Variants in NIPA2 observed in about 807,000 individuals in gnomAD.
NIPA2 encodes the protein NIPA magnesium transporter 2.
NIPA2 carries 11 observed loss-of-function variants against 29.7 expected under a neutral mutation model. The ratio of observed to expected loss-of-function variants is 0.37; its 90% CI spans 0.23 to 0.61. The LOEUF (loss-of-function observed/expected upper bound fraction) is 0.61, where lower values mean the gene tolerates loss of function less well. Ranked by LOEUF, NIPA2 falls within the 20% of genes least tolerant of loss-of-function variation. NIPA2 has a pLI of 0.66. For missense variants in NIPA2, 426 were observed against 437.9 expected (o/e 0.97, Z 0.24); for synonymous variants, 183 against 161.9 (o/e 1.13, Z -0.99).
rs543788388 is a variant in NIPA2, at chr15:22,856,429, A to G, written c.197-2111A>G. On this transcript the variant is annotated intron_variant, in intron 5 of 7. Coordinates refer to ENST00000337451, the MANE Select transcript of NIPA2 (RefSeq NM_030922.7). ...TTTTTGAGAAGTCAGTCATACATAAATGGAAATTAGATAGTAGAGAGTATC... is the reference window on the plus strand; with the variant it reads ...TTTTTGAGAAGTCAGTCATACATAAGTGGAAATTAGATAGTAGAGAGTATC... 1.1e-4 allele frequency among the ~76,000 whole-genome samples: 16 copies of G among 152,170 alleles called. No individual in the cohort carries two copies. The East Asian group carries it at 3.1e-3, about 29-fold the overall frequency.
In NIPA2 at chr15:22,857,969, T is replaced by C. The variant is rs1043116152; in HGVS notation, c.197-571T>C. On this transcript the variant is annotated intron_variant, in intron 5 of 7. Transcript: ENST00000337451. Reference sequence around the variant, plus strand: ...TATAAGTATCTATTTAAAATTTTTATTAAAATGCCTTATGTCAGCATGAGC... The same window carrying C: ...TATAAGTATCTATTTAAAATTTTTACTAAAATGCCTTATGTCAGCATGAGC... 6.6e-5 allele frequency among the ~76,000 whole-genome samples: 10 copies of C among 152,316 alleles called. No individual in the cohort carries two copies. The East Asian group carries it at 1.3e-3, about 21-fold the overall frequency.
intron 5 of NIPA2, among the ~76,000 whole-genome samples, chr15:22,858,190 A>G (rs1387686488): frequency 4.6e-5 from 7 of 152,046 alleles, no homozygotes; most frequent in African/African-American, 7.2e-5. Context: ...TCAGGAGATC[A>G]AGACCATCCT....
At chr15:22,853,671 C>T (rs573987083) in intron 5 of NIPA2, among the ~76,000 whole-genome samples, 9 of 152,048 alleles carry the variant, frequency 5.9e-5, no homozygotes, top group East Asian at 5.8e-4. Context: ...CCACCGCACC[C>T]GGCCTACTTT....
At chr15:22,852,463 C>A (rs1360637602) in intron 4 of NIPA2, among the ~76,000 whole-genome samples, 2 of 96,860 alleles carry the variant, frequency 2.1e-5, no homozygotes, top group Admixed American at 1.3e-4. Context: ...AGTGAGACTC[C>A]GTCTAAAAAA....
chr15:22,867,117 G>T lies in NIPA2; in HGVS notation c.*270G>T, dbSNP rs2059148705. ...TTCATCCCTTCTCCAAAAGCCGAAT[G>T]CACTAATGACAGTTTTAAGTCTATG... is the stretch of plus-strand genomic sequence containing the variant. On this transcript the variant is annotated 3_prime_UTR_variant, in exon 8 of 8. Transcript: ENST00000337451. The T allele has an allele frequency of 4.1e-6, 2 of 483,788 alleles. No homozygotes were observed. Among genetic ancestry groups the T allele is most frequent in the Non-Finnish European group, 7.2e-6 (2 of 277,716 alleles). 30.0% of individuals were successfully genotyped at this position (483,788 alleles called of 1,614,324 possible).
intron 5 of NIPA2, among the ~76,000 whole-genome samples, chr15:22,854,125 GTTAC>G (rs1566844218): frequency 4.7e-5 from 7 of 147,664 alleles, no homozygotes; most frequent in Admixed American, 6.8e-5. Flanking sequence ...ATGCCCAGCC[GTTAC>G]TTATTTATTT....
rs1289571453 is a variant in NIPA2 at position 22,866,387 on chromosome 15, C to T, written c.623C>T (p.Ala208Val). The T allele has an allele frequency of 4.3e-6, 7 of 1,614,060 alleles. No homozygotes were observed. The highest frequency in any genetic ancestry group is 1.7e-5 in the Admixed American group (1 of 60,018). The change falls in exon 8 of 8, where the codon GCA (alanine) becomes GTA (valine). Residue 208 changes from alanine (A) to valine (V), a missense_variant. By Grantham distance (64) the Ala-to-Val change is moderately conservative. Transcript: ENST00000337451. The stretch of plus-strand genomic sequence containing the variant: ...GGCATTGCTATCAAGGAGCTGTTTG[C>T]AGGGAAGCCTGTGCTGCGGCATCCC... The part of the protein sequence containing the change: ...GLGIAIKELF[A>V]GKPVLRHPLA...
chr15:22,849,281 C>T (rs1045478577), intron 3 of NIPA2, among the ~76,000 whole-genome samples: 1 of 95,190 alleles, frequency 1.1e-5, no homozygotes, highest in Non-Finnish European at 2.2e-5. Context: ...TGTTCAGCTT[C>T]TTTCTTTTTA....
intron 5 of NIPA2, among the ~76,000 whole-genome samples, chr15:22,853,869 G>A (rs945940104): frequency 2.0e-5 from 3 of 151,740 alleles, no homozygotes; most frequent in East Asian, 1.9e-4. Context: ...TTGCTCTGTC[G>A]CCAGGCTGTA....
At chr15:22,855,108 G>A (rs955141640) in intron 5 of NIPA2, among the ~76,000 whole-genome samples, 8 of 151,642 alleles carry the variant, frequency 5.3e-5, no homozygotes, top group Non-Finnish European at 7.4e-5. Context: ...TTTTAAAAAG[G>A]CACGTGGAAA....
chr15:22,849,698 TACA>T (rs2057574931), intron 3 of NIPA2, among the ~76,000 whole-genome samples: 1 of 152,060 alleles, frequency 6.6e-6, no homozygotes, highest in African/African-American at 2.4e-5. Flanking sequence ...TAGCTGGAAC[TACA>T]GGCGCCTGCC....
At chr15:22,865,214 C>T (rs1032326377) in intron 7 of NIPA2, among the ~76,000 whole-genome samples, 14 of 147,614 alleles carry the variant, frequency 9.5e-5, no homozygotes, top group African/African-American at 1.2e-4. Context: ...CTGCTGGGTG[C>T]GGTGGCTCAC....
At chr15:22,841,602 A>G (rs999592731) in intron 2 of NIPA2, among the ~76,000 whole-genome samples, 3 of 151,740 alleles carry the variant, frequency 2.0e-5, no homozygotes, top group Non-Finnish European at 4.4e-5. Flanking sequence ...TCCGCCCTCC[A>G]GTTTCTAGCG....
intron 5 of NIPA2, among the ~76,000 whole-genome samples, chr15:22,855,612 T>C (rs755752144): frequency 2.6e-5 from 4 of 152,076 alleles, no homozygotes; most frequent in African/African-American, 4.8e-5. Context: ...AAAGAAGTTA[T>C]GTGTTTATGT....
rs1555387456 is a variant in NIPA2 at position 22,862,049 on chromosome 15, C to CTCTT, written c.448+1261_448+1262insCTTT. On this transcript the variant is annotated intron_variant, in intron 7 of 7. Transcript: ENST00000337451. ...ACCATGCCTCGCCTGATGGGTCTCT[C>CTCTT]TTTTTTTTTTTTTTTGAGACAGAGT... 3.9e-3 allele frequency among the ~76,000 whole-genome samples: 401 copies of CTCTT among 103,936 alleles called. 13 individuals carry two copies. The highest frequency in any genetic ancestry group is 0.014 in the African/African-American group (374 of 26,662). The allele number at this position is 103,936 out of a possible 152,430, so 68.2% of individuals were successfully genotyped here. A position where few individuals can be genotyped will look rare whatever the true frequency, so the allele number is the denominator to read the frequency against.
chr15:22,863,339 C>T (rs2058751149), intron 7 of NIPA2, among the ~76,000 whole-genome samples: 1 of 152,096 alleles, frequency 6.6e-6, no homozygotes, highest in Admixed American at 6.5e-5. Flanking sequence ...CTCCCTCGGC[C>T]TCCCAAAGGG....
chr15:22,846,835 A>AT (rs1595286726), intron 3 of NIPA2, among the ~76,000 whole-genome samples: 14,949 of 132,290 alleles, frequency 0.11, 1,019 homozygotes, highest in Admixed American at 0.22. Context: ...AATAATAATA[A>AT]TAATAATTAT....
intron 6 of NIPA2, among the ~76,000 whole-genome samples, chr15:22,860,008 G>A (rs1230174837): frequency 6.6e-6 from 1 of 151,330 alleles, no homozygotes. Flanking sequence ...TTAAGCACTG[G>A]TGGTTTGGAT....
At position 22,839,298 on chromosome 15, in the gene NIPA2, TC is replaced by T. The variant is rs1369731589; in HGVS notation, c.-351-355del. The T allele has an allele frequency of 2.0e-4, 31 of 152,352 alleles. 1 individual carries two copies. The highest frequency in any genetic ancestry group is 1.9e-3 in the Admixed American group (29 of 15,304). 9.4% of individuals were successfully genotyped at this position (152,352 alleles called of 1,614,324 possible). On this transcript the variant is annotated intron_variant, in intron 1 of 7. Coordinates refer to ENST00000337451, the MANE Select transcript of NIPA2 (RefSeq NM_030922.7). ...AATTTCCTTTTATAAAATCACGGAA[TC>T]CTATTTCCCTCTCTATACAATTGCT...
Sources: gnomAD v4.1 joint callset for allele counts (sites outside exome capture counted in the v4.1 genomes callset) on GRCh38, gnomAD v4.1.1 for gene constraint, MANE v1.5 for transcripts, NCBI Gene and HGNC (gene_info 2026-07-23, HGNC 2026-07-21) for gene names.